The following ALPK2 variants were observed in gnomAD, a reference collection of about 807,000 sequenced individuals.
ALPK2 encodes alpha kinase 2, also known as alpha-protein kinase 2.
Under a neutral mutation model 163.1 loss-of-function variants are expected in ALPK2, and 127 were observed. That is an observed-to-expected ratio of 0.78 (90% CI 0.67 to 0.90). The LOEUF is 0.90. ALPK2 is among the 40% of genes least tolerant of loss of function. The probability of loss-of-function intolerance (pLI) is 0.00; values close to 1 mark genes in which losing one functional copy is unlikely to be tolerated. For missense variants in ALPK2, 2,360 were observed against 2,589.6 expected (o/e 0.91, Z 1.92); for synonymous variants, 953 against 959.1 (o/e 0.99, Z 0.12).
intron 3 of ALPK2, among the ~76,000 whole-genome samples, chr18:58,586,770 T>C (rs979038048): frequency 6.6e-6 from 1 of 151,324 alleles, no homozygotes; most frequent in African/African-American, 2.4e-5. Flanking sequence ...AAAAAAAAAT[T>C]ATACAGACAA....
intron 4 of ALPK2, 80 bp downstream of exon 4, chr18:58,578,734 A>ACACACACACGCGCGCACGCG: frequency 2.5e-6 from 1 of 396,568 alleles, no homozygotes; most frequent in Non-Finnish European, 4.1e-6. Flanking sequence ...AAAGGAAGAG[A>ACACACACACGCGCGCACGCG]CACACACACA....
At chr18:58,510,065 G>A (rs947234764) in intron 10 of ALPK2, among the ~76,000 whole-genome samples, 2 of 152,176 alleles carry the variant, frequency 1.3e-5, no homozygotes, top group African/African-American at 4.8e-5. Context: ...TTTTATATAA[G>A]GTGTAAGGAA....
chr18:58,514,703 C>T (rs149419801), intron 10 of ALPK2, among the ~76,000 whole-genome samples: 183 of 152,078 alleles, frequency 1.2e-3, no homozygotes, highest in African/African-American at 4.1e-3. Flanking sequence ...TTCTATTTAA[C>T]ATGGTAGATT....
At chr18:58,513,362 T>G (rs1181410230) in intron 10 of ALPK2, among the ~76,000 whole-genome samples, 1 of 152,210 alleles carries the variant, frequency 6.6e-6, no homozygotes, top group South Asian at 2.1e-4. Context: ...CCCTTACTCC[T>G]CCCATGTACC....
intron 4 of ALPK2, among the ~76,000 whole-genome samples, chr18:58,559,392 C>T (rs1296669044): frequency 2.0e-5 from 3 of 152,064 alleles, no homozygotes; most frequent in African/African-American, 7.2e-5. Flanking sequence ...TCAGAGGATC[C>T]CTGCCCCAGC....
chr18:58,614,546 A>G (rs1382567046), intron 1 of ALPK2, among the ~76,000 whole-genome samples: 1 of 152,212 alleles, frequency 6.6e-6, no homozygotes, highest in Non-Finnish European at 1.5e-5. Context: ...AAATACCTCC[A>G]TTCCAGATTA....
At chr18:58,591,982 C>T (rs1209241812) in intron 3 of ALPK2, among the ~76,000 whole-genome samples, 1 of 152,194 alleles carries the variant, frequency 6.6e-6, no homozygotes, top group Non-Finnish European at 1.5e-5. Context: ...GGGTTTAGAC[C>T]TCAGGTTCCA....
At chr18:58,532,113 G>A (rs2051619077) in intron 5 of ALPK2, among the ~76,000 whole-genome samples, 1 of 152,088 alleles carries the variant, frequency 6.6e-6, no homozygotes, top group African/African-American at 2.4e-5. Flanking sequence ...TAAATATTCA[G>A]TGCATTCATT....
At chr18:58,584,454 G>A (rs2051975518) in intron 3 of ALPK2, among the ~76,000 whole-genome samples, 3 of 152,232 alleles carry the variant, frequency 2.0e-5, no homozygotes, top group Non-Finnish European at 4.4e-5. Context: ...CCATAGAGCC[G>A]GGATAAGAAA....
chr18:58,574,047 A>G (rs2051905793), intron 4 of ALPK2, among the ~76,000 whole-genome samples: 1 of 152,292 alleles, frequency 6.6e-6, no homozygotes, highest in East Asian at 1.9e-4. Context: ...TGAATATGAT[A>G]GTATCTTCCT....
chr18:58,504,196 G>T, intron 10 of ALPK2, 48 bp from the exon 11 acceptor site: 1 of 1,500,694 alleles, frequency 6.7e-7, no homozygotes, highest in Non-Finnish European at 9.2e-7. Flanking sequence ...CTACTGGGAA[G>T]AGAGGCTCCT....
rs61636682 is a variant in ALPK2 at position 58,611,820 on chromosome 18, GAA to G, written c.-20-5_-20-4del. On this transcript the variant is annotated splice_region_variant and splice_polypyrimidine_tract_variant and intron_variant, in intron 1 of 12. Coordinates refer to ENST00000361673, the MANE Select transcript of ALPK2 (RefSeq NM_052947.4). ...CATCCTTTCATGCCGCACCAAATCT[GAA>G]AAAAAAAAAAATCCCCGACATCACC... 490 of 1,062,498 alleles carry G rather than the reference GAA, an allele frequency of 4.6e-4. No individual in the cohort carries two copies. Among genetic ancestry groups the G allele is most frequent in the Admixed American group, 7.0e-4 (25 of 35,686 alleles). 65.8% of individuals were successfully genotyped at this position (1,062,498 alleles called of 1,614,324 possible). A position where few individuals can be genotyped will look rare whatever the true frequency, so the allele number is the denominator to read the frequency against.
At chr18:58,578,734 A>ACACACACACGCGCGCGCG (rs745812070) in intron 4 of ALPK2, 80 bp downstream of exon 4, 8 of 396,638 alleles carry the variant, frequency 2.0e-5, no homozygotes, top group African/African-American at 9.5e-5. Context: ...AAAGGAAGAG[A>ACACACACACGCGCGCGCG]CACACACACA....
At chr18:58,518,658 A>G (rs536437089) in intron 8 of ALPK2, among the ~76,000 whole-genome samples, 1 of 152,358 alleles carries the variant, frequency 6.6e-6, no homozygotes, top group East Asian at 1.9e-4. Flanking sequence ...ACCAGGAAGA[A>G]CAAAGGTTAA....
chr18:58,627,293 A>C (rs956555699), intron 1 of ALPK2, among the ~76,000 whole-genome samples: 2 of 152,218 alleles, frequency 1.3e-5, no homozygotes, highest in Non-Finnish European at 2.9e-5. Flanking sequence ...AAAGCTTCCC[A>C]AAATTATGAT....
chr18:58,537,754 G>A lies in ALPK2; in HGVS notation c.2433C>T (p.Asp811=), dbSNP rs777899170. Residue 811 remains aspartate, a synonymous_variant, in exon 5 of 13, where the codon GAC becomes GAT. Transcript: ENST00000361673. ...VCAMECFEAG[D]QGTCFDTIDS... ...CTATGGTATCAAAACACGTTCCTTG[G>A]TCACCAGCCTCAAAACACTCCATTG... 4 of 1,613,914 alleles carry A rather than the reference G, an allele frequency of 2.5e-6. No individual in the cohort carries two copies. The highest frequency in any genetic ancestry group is 2.2e-5 in the South Asian group (2 of 91,082).
chr18:58,542,622 G>C (rs1263040459), intron 4 of ALPK2, among the ~76,000 whole-genome samples: 1 of 152,190 alleles, frequency 6.6e-6, no homozygotes, highest in African/African-American at 2.4e-5. Context: ...CTCTAGGTAA[G>C]GGAAAGTACC....
At chr18:58,534,184 G>C (rs1035005293) in intron 5 of ALPK2, among the ~76,000 whole-genome samples, 6 of 151,810 alleles carry the variant, frequency 4.0e-5, no homozygotes, top group African/African-American at 1.5e-4. Flanking sequence ...CATAGGTAGA[G>C]GTTGATCAAG....
chr18:58,495,142 T>A (rs966568902), intron 12 of ALPK2, among the ~76,000 whole-genome samples: 16 of 152,016 alleles, frequency 1.1e-4, no homozygotes, highest in Non-Finnish European at 2.4e-4. Flanking sequence ...TCTAAAGAGG[T>A]CTCTCAACCA....
Sources: allele counts gnomAD v4.1 joint callset (sites outside exome capture counted in the v4.1 genomes callset), GRCh38; gene constraint gnomAD v4.1.1; transcripts MANE v1.5; gene names NCBI Gene and HGNC (gene_info 2026-07-23, HGNC 2026-07-21).